Variants in ARNT2 observed in about 807,000 individuals in gnomAD.
The protein encoded by ARNT2 is aryl hydrocarbon receptor nuclear translocator 2, also known as ARNT protein 2.
ARNT2 carries 36 observed loss-of-function variants against 91.7 expected under a neutral mutation model. The observed-to-expected ratio is 0.39, with a 90% confidence interval of 0.30 to 0.52. The LOEUF is 0.52. ARNT2 is among the 20% of genes least tolerant of loss of function. The probability of loss-of-function intolerance (pLI) is 0.72; values close to 1 mark genes in which losing one functional copy is unlikely to be tolerated. For missense variants in ARNT2, 775 were observed against 939.3 expected (o/e 0.83, Z 2.29); for synonymous variants, 365 against 347.1 (o/e 1.05, Z -0.57).
At chr15:80,502,698 G>A (rs79179836) in intron 5 of ARNT2, among the ~76,000 whole-genome samples, 2,377 of 152,290 alleles carry the variant, frequency 0.016, 29 homozygotes, top group Middle Eastern at 0.027. Context: ...TTCTACTGAG[G>A]CAGGGAGTTG....
At chr15:80,432,278 C>A (rs1243339120) in intron 1 of ARNT2, among the ~76,000 whole-genome samples, 2 of 152,194 alleles carry the variant, frequency 1.3e-5, no homozygotes. Flanking sequence ...TAGAAGATTT[C>A]TCGCCTCTTC....
chr15:80,442,250 C>T (rs906910592), intron 1 of ARNT2, among the ~76,000 whole-genome samples: 1 of 152,228 alleles, frequency 6.6e-6, no homozygotes, highest in African/African-American at 2.4e-5. Context: ...TCTTTCCCAT[C>T]GTACTTCGTT....
At chr15:80,465,755 G>A (rs145304524) in intron 3 of ARNT2, among the ~76,000 whole-genome samples, 9 of 152,126 alleles carry the variant, frequency 5.9e-5, no homozygotes, top group Non-Finnish European at 1.2e-4. Context: ...GGTTTATGTC[G>A]TGGCTCCTCT....
At chr15:80,528,158 G>A (rs1256563358) in intron 8 of ARNT2, among the ~76,000 whole-genome samples, 1 of 152,160 alleles carries the variant, frequency 6.6e-6, no homozygotes, top group Non-Finnish European at 1.5e-5. Context: ...GCTGGGAGAT[G>A]TGTGATGACT....
intron 5 of ARNT2, among the ~76,000 whole-genome samples, chr15:80,496,776 C>T (rs189250695): frequency 1.3e-5 from 2 of 152,274 alleles, no homozygotes; most frequent in Admixed American, 1.3e-4. Flanking sequence ...GGTAGAATTA[C>T]TTGTAGAGAA....
intron 12 of ARNT2, among the ~76,000 whole-genome samples, chr15:80,569,430 C>T (rs999003637): frequency 3.4e-4 from 52 of 152,254 alleles, no homozygotes; most frequent in African/African-American, 3.4e-4. Flanking sequence ...GCAAGCACAC[C>T]GAGGTTTATT....
intron 3 of ARNT2, among the ~76,000 whole-genome samples, chr15:80,462,211 A>T (rs1595973232): frequency 1.3e-5 from 2 of 151,636 alleles, no homozygotes; most frequent in African/African-American, 4.9e-5. Context: ...AGATTGATAC[A>T]TTTTCTAGGG....
At chr15:80,578,721 C>T (rs550357102) in intron 15 of ARNT2, among the ~76,000 whole-genome samples, 1 of 152,068 alleles carries the variant, frequency 6.6e-6, no homozygotes, top group East Asian at 2.0e-4. Context: ...AAGGAACGTC[C>T]GAACACCTGT....
intron 8 of ARNT2, among the ~76,000 whole-genome samples, chr15:80,543,597 G>A (rs2141451043): frequency 6.6e-6 from 1 of 152,196 alleles, no homozygotes; most frequent in South Asian, 2.1e-4. Context: ...GCCACTTGAA[G>A]TTTTCCAATG....
chr15:80,597,417 CG>C lies in ARNT2; in HGVS notation c.*3723del. On this transcript the variant is annotated 3_prime_UTR_variant, in exon 19 of 19. Transcript: ENST00000303329. Reference sequence around the variant, plus strand: ...CCTAAGTCGCTGTCTCCTAACCTGCCGGGGTCATTCCCCACCAAACACCCCA... The same window carrying C: ...CCTAAGTCGCTGTCTCCTAACCTGCCGGGTCATTCCCCACCAAACACCCCA... 2.6e-6 allele frequency: 1 copy of C among 384,658 alleles called. No homozygotes were observed. Among genetic ancestry groups the C allele is most frequent in the East Asian group, 7.2e-5 (1 of 13,946 alleles). The allele number at this position is 384,658 out of a possible 1,614,324, so 23.8% of individuals were successfully genotyped here. A position where few individuals can be genotyped will look rare whatever the true frequency, so the allele number is the denominator to read the frequency against.
At chr15:80,409,261 C>T (rs1895648738) in intron 1 of ARNT2, among the ~76,000 whole-genome samples, 1 of 152,248 alleles carries the variant, frequency 6.6e-6, no homozygotes, top group Non-Finnish European at 1.5e-5. Context: ...TTCTTGGCAT[C>T]CACTGATGTT....
At chr15:80,459,642 A>G (rs1896525613) in intron 3 of ARNT2, among the ~76,000 whole-genome samples, 1 of 152,212 alleles carries the variant, frequency 6.6e-6, no homozygotes, top group Non-Finnish European at 1.5e-5. Context: ...GCAGGGGTAC[A>G]AAGAGCTCAT....
At chr15:80,586,849 A>T (rs577755125) in intron 17 of ARNT2, among the ~76,000 whole-genome samples, 1 of 152,062 alleles carries the variant, frequency 6.6e-6, no homozygotes, top group Admixed American at 6.5e-5. Context: ...TCAAAAAAAA[A>T]AAAAAAGGAA....
chr15:80,574,925 G>T, intron 13 of ARNT2, 62 bp from the exon 14 acceptor site: 1 of 1,562,620 alleles, frequency 6.4e-7, no homozygotes, highest in South Asian at 1.2e-5. Flanking sequence ...GTGGCTCCTG[G>T]GGACGCATGT....
Position 80,574,146 on chromosome 15 carries a change from A to T in ARNT2, c.1317-2A>T. ...ACCCTCTGTTGTCTTCTTGTTTCAC[A>T]GGCAACTTCAGCAACAGCAGGCAGA... On this transcript the variant is annotated splice_acceptor_variant, in intron 12 of 18. Transcript: ENST00000303329. LOFTEE classifies it high-confidence loss of function. 1 of 1,614,118 alleles carries T rather than the reference A, an allele frequency of 6.2e-7. No homozygotes were observed. Among genetic ancestry groups the T allele is most frequent in the Non-Finnish European group, 8.5e-7 (1 of 1,179,936 alleles).
chr15:80,508,649 C>T (rs1193593995), intron 6 of ARNT2, among the ~76,000 whole-genome samples: 1 of 152,210 alleles, frequency 6.6e-6, no homozygotes, highest in Non-Finnish European at 1.5e-5. Flanking sequence ...TGTCACAATT[C>T]ACACATTTAC....
At chr15:80,447,657 G>A (rs932500727) in intron 1 of ARNT2, among the ~76,000 whole-genome samples, 2 of 152,160 alleles carry the variant, frequency 1.3e-5, no homozygotes, top group South Asian at 2.1e-4. Flanking sequence ...TTTGGGAAGC[G>A]GGTGCCAGAC....
chr15:80,592,313 C>T (rs576008145), intron 18 of ARNT2, among the ~76,000 whole-genome samples: 1 of 152,342 alleles, frequency 6.6e-6, no homozygotes, highest in South Asian at 2.1e-4. Flanking sequence ...CAGGCCCCTG[C>T]CCTTTGTGGG....
At chr15:80,548,155 A>C (rs1052450659) in intron 8 of ARNT2, among the ~76,000 whole-genome samples, 5 of 152,174 alleles carry the variant, frequency 3.3e-5, no homozygotes, top group Non-Finnish European at 5.9e-5. Flanking sequence ...CATATGCCTC[A>C]ACTAAAACAA....
Sources: allele counts gnomAD v4.1 joint callset (sites outside exome capture counted in the v4.1 genomes callset), GRCh38; gene constraint gnomAD v4.1.1; transcripts MANE v1.5; gene names NCBI Gene and HGNC (gene_info 2026-07-23, HGNC 2026-07-21).